The following USP46 variants were observed in gnomAD, a reference collection of about 807,000 sequenced individuals.
USP46 encodes ubiquitin carboxyl-terminal hydrolase 46.
Under a neutral mutation model 44.4 loss-of-function variants are expected in USP46, and 12 were observed. The ratio of observed to expected loss-of-function variants is 0.27; its 90% CI spans 0.17 to 0.44. The LOEUF is 0.44. Among genes scored for constraint, USP46 ranks in the 20% least tolerant of loss-of-function variants. USP46 has a pLI of 1.00. For missense variants in USP46, 248 were observed against 444.8 expected, an observed-to-expected ratio of 0.56 and a Z score of 3.98; for synonymous variants, 155 against 161.5, an observed-to-expected ratio of 0.96 and a Z score of 0.31.
chr4:52,642,335 T>C (rs1718375364), intron 1 of USP46, among the ~76,000 whole-genome samples: 1 of 152,242 alleles, frequency 6.6e-6, no homozygotes, highest in South Asian at 2.1e-4. Flanking sequence ...CTACTGGCCT[T>C]ATTTTAAAGA....
intron 7 of USP46, among the ~76,000 whole-genome samples, chr4:52,599,252 G>A (rs1716360353): frequency 6.6e-6 from 1 of 152,028 alleles, no homozygotes; most frequent in African/African-American, 2.4e-5. Flanking sequence ...GAAATGGCAG[G>A]GGGAGGGGTA....
intron 3 of USP46, 135 bp from the exon 4 acceptor site, chr4:52,626,382 G>A (rs1717586861): frequency 1.4e-6 from 1 of 728,136 alleles, no homozygotes; most frequent in Non-Finnish European, 2.2e-6. Flanking sequence ...GAGCGTAGTG[G>A]CATGATCTCA....
rs563776974 is a variant in USP46 at position 52,653,268 on chromosome 4, G to A, written c.36+5847C>T. ...CACCTATAATCCTAGCACTTTGAGA[G>A]GCTGAGGCGGGCGGATCACCTGAGG... On this transcript the variant is annotated intron_variant, in intron 1 of 8. Coordinates refer to ENST00000441222, the MANE Select transcript of USP46 (RefSeq NM_022832.4). 5.3e-5 allele frequency among the ~76,000 whole-genome samples: 8 copies of A among 152,200 alleles called. No individual in the cohort carries two copies. In the East Asian group the frequency reaches 1.2e-3, roughly 22 times the overall value.
In USP46 at chr4:52,601,871, G is replaced by A. The variant is rs61761594; in HGVS notation, c.906C>T (p.Val302=). 2.2e-5 allele frequency: 36 copies of A among 1,613,128 alleles called. No individual in the cohort carries two copies. In the African/African-American group the frequency reaches 3.2e-4, roughly 14 times the overall value. The part of the protein sequence containing the change: ...LDRMYDLVAV[V]VHCGSGPNRG... ...CTTGCCCTTACCTGCCACAGTGAAC[G>A]ACCACCGCAACCAAGTCATACATGC... Residue 302 remains valine, a synonymous_variant, in exon 7 of 9, where the codon GTC becomes GTT. Transcript: ENST00000441222.
chr4:52,632,994 G>GAAAGAAAGAAAGAAAGAAAGGA (rs1717964744), intron 1 of USP46, among the ~76,000 whole-genome samples: 1 of 91,324 alleles, frequency 1.1e-5, no homozygotes, highest in African/African-American at 4.6e-5. Flanking sequence ...GAAAAGAAAA[G>GAAAGAAAGAAAGAAAGAAAGGA]AAAGAAAGAA....
Position 52,659,271 on chromosome 4 carries a change from A to C in USP46, c.-121T>G, listed in dbSNP as rs2109381912. On this transcript the variant is annotated 5_prime_UTR_variant, in exon 1 of 9. Transcript: ENST00000441222. This position sits in a 1 kb window ranked among gnomAD's most constrained non-coding sequence, Gnocchi z 4.2. ...CGCGGCGGCCTGGGGTCCGGCTTTC[A>C]GTTTGGCTGGGAGAGGGAGGCCGGG... 1.1e-6 allele frequency: 1 copy of C among 895,068 alleles called. No individual in the cohort carries two copies. Among genetic ancestry groups the C allele is most frequent in the Non-Finnish European group, 1.5e-6 (1 of 688,652 alleles). The allele number at this position is 895,068 out of a possible 1,614,324, so 55.4% of individuals were successfully genotyped here.
At chr4:52,642,046 G>A (rs77160282) in intron 1 of USP46, among the ~76,000 whole-genome samples, 5,455 of 152,238 alleles carry the variant, frequency 0.036, 134 homozygotes, top group Middle Eastern at 0.095. Context: ...AAGGACTAGT[G>A]TCCCCAGAAT....
chr4:52,640,376 T>C (rs942814278), intron 1 of USP46, among the ~76,000 whole-genome samples: 7 of 152,258 alleles, frequency 4.6e-5, no homozygotes, highest in East Asian at 1.9e-4. Flanking sequence ...ATGGAAATTT[T>C]TGAAAGAAGA....
intron 4 of USP46, among the ~76,000 whole-genome samples, chr4:52,613,015 A>G (rs1716991698): frequency 6.6e-6 from 1 of 152,256 alleles, no homozygotes; most frequent in African/African-American, 2.4e-5. Context: ...ATAAACTCAC[A>G]TAACCAAAAA....
intron 4 of USP46, among the ~76,000 whole-genome samples, chr4:52,625,707 A>T (rs544974082): frequency 3.9e-5 from 6 of 152,254 alleles, no homozygotes; most frequent in Non-Finnish European, 7.4e-5. Flanking sequence ...CATGACCAAA[A>T]TCTTTGCAAG....
intron 5 of USP46, among the ~76,000 whole-genome samples, chr4:52,609,655 G>T (rs2109605346): frequency 6.6e-6 from 1 of 152,124 alleles, no homozygotes; most frequent in South Asian, 2.1e-4. Context: ...GTTGGTCAAG[G>T]TCTAGATTAG....
chr4:52,614,203 A>G (rs1577668683), intron 4 of USP46, among the ~76,000 whole-genome samples: 1 of 152,234 alleles, frequency 6.6e-6, no homozygotes, highest in Admixed American at 6.5e-5. Context: ...AATACTGTAC[A>G]TATAATCAGA....
chr4:52,608,365 G>A (rs1716782257), intron 5 of USP46, among the ~76,000 whole-genome samples: 1 of 152,132 alleles, frequency 6.6e-6, no homozygotes, highest in African/African-American at 2.4e-5. Flanking sequence ...AATGCTTCCC[G>A]ATAATTTCCA....
chr4:52,610,711 C>T, intron 4 of USP46, 94 bp from the exon 5 acceptor site: 3 of 1,185,792 alleles, frequency 2.5e-6, no homozygotes, highest in East Asian at 2.5e-5. Context: ...GCAATAAAAA[C>T]CATAACTGCA....
chr4:52,641,407 C>T (rs1004523307), intron 1 of USP46, among the ~76,000 whole-genome samples: 1 of 152,170 alleles, frequency 6.6e-6, no homozygotes, highest in African/African-American at 2.4e-5. Flanking sequence ...AATTCTATGA[C>T]TGCCAAGGGG....
intron 4 of USP46, among the ~76,000 whole-genome samples, chr4:52,620,504 C>T (rs1285065772): frequency 6.6e-6 from 1 of 152,146 alleles, no homozygotes; most frequent in Non-Finnish European, 1.5e-5. Flanking sequence ...AGGCAGGGCT[C>T]TCACTGTACG....
intron 1 of USP46, among the ~76,000 whole-genome samples, chr4:52,647,266 A>G (rs922883034): frequency 2.8e-4 from 43 of 152,246 alleles, no homozygotes; most frequent in Admixed American, 9.2e-4. Context: ...AAAAACTAAG[A>G]GAGAAATATA....
intron 1 of USP46, among the ~76,000 whole-genome samples, chr4:52,644,145 A>G (rs1014857509): frequency 1.2e-4 from 18 of 152,194 alleles, no homozygotes; most frequent in Non-Finnish European, 2.1e-4. Flanking sequence ...TGCCAAATAA[A>G]TCACTGATGG....
At chr4:52,603,679 GTTCTTT>G (rs1268754726) in intron 6 of USP46, among the ~76,000 whole-genome samples, 10 of 151,982 alleles carry the variant, frequency 6.6e-5, no homozygotes, top group Admixed American at 5.9e-4. Flanking sequence ...CTTATCACCT[GTTCTTT>G]TTCTTTTTTC....
Sources: allele counts gnomAD v4.1 joint callset (sites outside exome capture counted in the v4.1 genomes callset), GRCh38; gene constraint gnomAD v4.1.1; non-coding constraint Gnocchi (gnomAD v3.1); transcripts MANE v1.5; gene names NCBI Gene and HGNC (gene_info 2026-07-23, HGNC 2026-07-21).